The following TRAPPC12 variants were observed in gnomAD, a reference collection of about 807,000 sequenced individuals.
TRAPPC12 encodes the protein trafficking protein particle complex subunit 12, also known as TPR repeat protein 15.
TRAPPC12 carries 61 observed loss-of-function variants against 69.2 expected under a neutral mutation model. The ratio of observed to expected loss-of-function variants is 0.88; its 90% CI spans 0.72 to 1.09. The LOEUF (loss-of-function observed/expected upper bound fraction) is 1.09. Among genes scored for constraint, TRAPPC12 ranks in the 50% least tolerant of loss-of-function variants. The pLI is 0.00. For missense variants in TRAPPC12, 1,101 were observed against 1,016.4 expected, an observed-to-expected ratio of 1.08 and a Z score of -1.13; for synonymous variants, 469 against 438.9, an observed-to-expected ratio of 1.07 and a Z score of -0.86.
At chr2:3,422,973 G>A (rs11687204) in intron 4 of TRAPPC12, among the ~76,000 whole-genome samples, 3,979 of 152,326 alleles carry the variant, frequency 0.026, 163 homozygotes, top group African/African-American at 0.09. Flanking sequence ...GCGCAGTGGC[G>A]CATTGACTGT....
chr2:3,390,713 CT>C (rs1660773180), intron 2 of TRAPPC12, among the ~76,000 whole-genome samples: 1 of 152,190 alleles, frequency 6.6e-6, no homozygotes, highest in South Asian at 2.1e-4. Flanking sequence ...CACCAAGAGT[CT>C]ACCCTAATGT....
intron 1 of TRAPPC12, among the ~76,000 whole-genome samples, chr2:3,383,411 C>G (rs1228819781): frequency 6.6e-6 from 1 of 150,518 alleles, no homozygotes; most frequent in Non-Finnish European, 1.5e-5. Flanking sequence ...CACCCCCGCC[C>G]CGCCCGAGAC....
At chr2:3,424,755 T>A (rs1384743382) in intron 5 of TRAPPC12, 92 bp downstream of exon 5, 3 of 1,361,282 alleles carry the variant, frequency 2.2e-6, no homozygotes, top group Middle Eastern at 1.9e-4. Context: ...TCAGTTTTCC[T>A]TATTTATCCA....
chr2:3,421,960 G>C lies in TRAPPC12; in HGVS notation c.1244G>C (p.Gly415Ala). The change falls in exon 4 of 12, where the codon GGG (glycine) becomes GCG (alanine). Residue 415 changes from glycine to alanine, a missense_variant. Transcript: ENST00000324266. ...CACGGCCAGGGCTACGGCAAGAGCG[G>C]GCTGCTCACCAGCCACACGACAGAT... ...TAHGQGYGKS[G>A]LLTSHTTDSL... is the part of the protein sequence containing the mutation. 2.5e-6 allele frequency: 4 copies of C among 1,613,466 alleles called. No homozygotes were observed. The highest frequency in any genetic ancestry group is 3.4e-6 in the Non-Finnish European group (4 of 1,179,930).
At chr2:3,436,281 C>A (rs1663772184) in intron 5 of TRAPPC12, among the ~76,000 whole-genome samples, 1 of 152,176 alleles carries the variant, frequency 6.6e-6, no homozygotes, top group South Asian at 2.1e-4. Flanking sequence ...AGAACACAGT[C>A]CTTCACCCCA....
intron 3 of TRAPPC12, among the ~76,000 whole-genome samples, chr2:3,404,402 G>A (rs748633898): frequency 3.9e-5 from 6 of 151,942 alleles, no homozygotes; most frequent in South Asian, 2.1e-4. Flanking sequence ...TATTCTTCTC[G>A]ATCTTGATTT....
chr2:3,445,590 A>G (rs1664462955), intron 6 of TRAPPC12, among the ~76,000 whole-genome samples: 1 of 152,202 alleles, frequency 6.6e-6, no homozygotes. Flanking sequence ...TAACTCATTT[A>G]ATCCTTATCA....
At chr2:3,384,805 G>A (rs1412016225) in intron 1 of TRAPPC12, among the ~76,000 whole-genome samples, 1 of 152,138 alleles carries the variant, frequency 6.6e-6, no homozygotes, top group African/African-American at 2.4e-5. Flanking sequence ...TTTCTTCTCT[G>A]CAAGAATTTT....
chr2:3,395,519 G>C (rs1464385037), intron 2 of TRAPPC12, among the ~76,000 whole-genome samples: 1 of 149,400 alleles, frequency 6.7e-6, no homozygotes, highest in Non-Finnish European at 1.5e-5. Context: ...AGGTATACTA[G>C]CTACAGATTC....
chr2:3,459,070 G>A (rs115926800), intron 7 of TRAPPC12, among the ~76,000 whole-genome samples: 1,884 of 152,330 alleles, frequency 0.012, 34 homozygotes, highest in African/African-American at 0.036. Flanking sequence ...CACCGTAAAT[G>A]CACATCATTT....
chr2:3,409,366 A>T (rs77256469), intron 3 of TRAPPC12, among the ~76,000 whole-genome samples: 1 of 152,214 alleles, frequency 6.6e-6, no homozygotes, highest in African/African-American at 2.4e-5. Context: ...AGAAAAAATC[A>T]CCATTTGGGA....
intron 6 of TRAPPC12, among the ~76,000 whole-genome samples, chr2:3,450,597 C>T (rs961062353): frequency 3.3e-5 from 5 of 152,156 alleles, no homozygotes; most frequent in South Asian, 2.1e-4. Flanking sequence ...CTGCCAGGCA[C>T]GTGGTCCGTG....
intron 2 of TRAPPC12, among the ~76,000 whole-genome samples, chr2:3,398,221 A>T (rs190317822): frequency 6.6e-6 from 1 of 152,322 alleles, no homozygotes; most frequent in East Asian, 1.9e-4. Flanking sequence ...TGGGATGTAT[A>T]GCTAGGTGTG....
intron 2 of TRAPPC12, chr2:3,388,887 GAAAT>G: frequency 2.1e-6 from 1 of 486,590 alleles, no homozygotes; most frequent in Non-Finnish European, 3.6e-6. Context: ...CAGAGAGGTA[GAAAT>G]AAATACCACC....
chr2:3,407,493 G>A (rs1475830887), intron 3 of TRAPPC12, among the ~76,000 whole-genome samples: 1 of 152,148 alleles, frequency 6.6e-6, no homozygotes, highest in Non-Finnish European at 1.5e-5. Context: ...GTATACTTTA[G>A]ATTCTGATTT....
chr2:3,440,739 G>A (rs1664154980), intron 5 of TRAPPC12, among the ~76,000 whole-genome samples: 1 of 152,144 alleles, frequency 6.6e-6, no homozygotes, highest in Admixed American at 6.5e-5. Context: ...CTTTATTCAT[G>A]ATCTTAGGGG....
At chr2:3,433,921 G>C (rs1379123776) in intron 5 of TRAPPC12, among the ~76,000 whole-genome samples, 1 of 152,008 alleles carries the variant, frequency 6.6e-6, no homozygotes, top group African/African-American at 2.4e-5. Flanking sequence ...CTCCCTGCAG[G>C]AGAGAGACGG....
At chr2:3,456,528 G>C (rs1165511737) in intron 6 of TRAPPC12, 1 of 152,544 alleles carries the variant, frequency 6.6e-6, no homozygotes, top group Non-Finnish European at 1.5e-5. Flanking sequence ...TGCCCTGTAG[G>C]AATGAGACTG....
At chr2:3,408,610 A>G (rs997914579) in intron 3 of TRAPPC12, among the ~76,000 whole-genome samples, 1 of 152,158 alleles carries the variant, frequency 6.6e-6, no homozygotes, top group Non-Finnish European at 1.5e-5. Context: ...CCTGGGTGAC[A>G]CAGTAAAACC....
Sources: gnomAD v4.1 joint callset for allele counts (sites outside exome capture counted in the v4.1 genomes callset) on GRCh38, gnomAD v4.1.1 for gene constraint, MANE v1.5 for transcripts, NCBI Gene and HGNC (gene_info 2026-07-23, HGNC 2026-07-21) for gene names.